Variants in ADORA2B observed in about 807,000 individuals in gnomAD.
The protein encoded by ADORA2B is adenosine receptor A2b.
ADORA2B carries 18 observed loss-of-function variants against 20.8 expected under a neutral mutation model. The observed-to-expected ratio is 0.87, with a 90% confidence interval of 0.60 to 1.29. ADORA2B has a LOEUF of 1.29. ADORA2B is among the 50% of genes most tolerant of loss of function. The probability of loss-of-function intolerance (pLI) is 0.00; values close to 1 mark genes in which losing one functional copy is unlikely to be tolerated. For synonymous variants in ADORA2B, 179 were observed against 178.3 expected (o/e 1.00, Z -0.03); for missense variants, 441 against 422.7 (o/e 1.04, Z -0.38).
the ADORA2B span, among the ~76,000 whole-genome samples, chr17:15,895,708 G>A: frequency 4.6e-5 from 7 of 152,106 alleles, no homozygotes; most frequent in African/African-American, 1.7e-4. Context: ...TAGCCACATC[G>A]TGTGGCTGCT....
chr17:15,926,831 C>A, the ADORA2B span, among the ~76,000 whole-genome samples: 1 of 152,044 alleles, frequency 6.6e-6, no homozygotes, highest in Admixed American at 6.6e-5. Flanking sequence ...ATCAGCTCAG[C>A]GTGGTAGTGT....
chr17:15,922,597 A>G, the ADORA2B span, among the ~76,000 whole-genome samples: 1 of 152,218 alleles, frequency 6.6e-6, no homozygotes, highest in Non-Finnish European at 1.5e-5. Context: ...ACTGGGATGT[A>G]GGGTCACCCC....
chr17:15,876,886 A>T, the ADORA2B span, among the ~76,000 whole-genome samples: 1 of 152,182 alleles, frequency 6.6e-6, no homozygotes, highest in Admixed American at 6.5e-5. Context: ...TGCAAAACTG[A>T]AACTGTTACC....
At chr17:15,966,415 G>T (rs1597429845) in intron 1 of ADORA2B, among the ~76,000 whole-genome samples, 3 of 152,218 alleles carry the variant, frequency 2.0e-5, no homozygotes, top group Admixed American at 2.0e-4. Context: ...CACTCCCCAG[G>T]TAGCTGCCCT....
At chr17:15,928,801 A>T in the ADORA2B span, among the ~76,000 whole-genome samples, 1 of 152,074 alleles carries the variant, frequency 6.6e-6, no homozygotes, top group African/African-American at 2.4e-5. Context: ...TGAGCATAGG[A>T]GTGTCTGGCG....
chr17:15,954,230 C>T (rs1385615208), intron 1 of ADORA2B, among the ~76,000 whole-genome samples: 4 of 152,300 alleles, frequency 2.6e-5, no homozygotes, highest in African/African-American at 9.6e-5. Context: ...CCACCTGCCT[C>T]GGTCTCCCAA....
At chr17:15,891,826 C>T in the ADORA2B span, among the ~76,000 whole-genome samples, 48,049 of 145,126 alleles carry the variant, frequency 0.33, 8,490 homozygotes, top group African/African-American at 0.46. Flanking sequence ...GGATTACAGG[C>T]GTGCGCCACA....
upstream of ADORA2B, among the ~76,000 whole-genome samples, chr17:15,944,517 T>C (rs965936350): frequency 2.0e-5 from 3 of 152,050 alleles, no homozygotes; most frequent in Non-Finnish European, 4.4e-5. The surrounding 1 kb of genome is among the most constrained non-coding windows in gnomAD (Gnocchi z 4.8). Flanking sequence ...GTAGGGGCAG[T>C]GGCGCGGGCG....
the ADORA2B span, among the ~76,000 whole-genome samples, chr17:15,863,264 A>G: frequency 7.2e-5 from 11 of 152,122 alleles, no homozygotes; most frequent in African/African-American, 2.7e-4. Context: ...ATTTATTTCA[A>G]TTTTACATTT....
chr17:15,885,718 A>AC, the ADORA2B span, among the ~76,000 whole-genome samples: 1 of 151,982 alleles, frequency 6.6e-6, no homozygotes, highest in Non-Finnish European at 1.5e-5. Flanking sequence ...CGTATCAAAA[A>AC]AAAAAAACAA....
At chr17:15,864,115 T>C in the ADORA2B span, 1 of 188,928 alleles carries the variant, frequency 5.3e-6, no homozygotes, top group Non-Finnish European at 1.1e-5. Flanking sequence ...TCAAGTGCAA[T>C]GCTGTACTGA....
chr17:15,879,837 A>G, the ADORA2B span, among the ~76,000 whole-genome samples: 3 of 149,256 alleles, frequency 2.0e-5, 1 homozygote, highest in Admixed American at 1.3e-4. Context: ...GCACCCGGCC[A>G]AAGATGTTTT....
At chr17:15,917,604 G>A in the ADORA2B span, among the ~76,000 whole-genome samples, 2 of 152,242 alleles carry the variant, frequency 1.3e-5, no homozygotes, top group Non-Finnish European at 2.9e-5. Context: ...TCCGGGCTAG[G>A]GAACAGGGAT....
intron 1 of ADORA2B, among the ~76,000 whole-genome samples, chr17:15,962,180 G>A (rs1295750760): frequency 1.3e-5 from 2 of 152,122 alleles, no homozygotes; most frequent in African/African-American, 4.8e-5. Context: ...GTGGGCACCT[G>A]TAATCCCAGC....
chr17:15,870,206 A>C, the ADORA2B span, among the ~76,000 whole-genome samples: 1 of 148,274 alleles, frequency 6.7e-6, no homozygotes, highest in East Asian at 2.0e-4. Context: ...CTTTATAGAA[A>C]AAATTTACTT....
At chr17:15,917,197 G>A in the ADORA2B span, among the ~76,000 whole-genome samples, 253 of 152,348 alleles carry the variant, frequency 1.7e-3, no homozygotes, top group Non-Finnish European at 3.0e-3. Context: ...CCAGCTACTT[G>A]GGAGTCAGAG....
chr17:15,921,005 G>A, the ADORA2B span, among the ~76,000 whole-genome samples: 6 of 152,232 alleles, frequency 3.9e-5, no homozygotes, highest in African/African-American at 1.2e-4. Flanking sequence ...GGCAATGTGG[G>A]AAACCAATGT....
rs922531303 is a variant in ADORA2B at position 15,967,427 on chromosome 17, C to T, written c.336-7252C>T. On this transcript the variant is annotated intron_variant, in intron 1 of 1. Transcript: ENST00000304222. ...TTTGTATTTTTAGTGGAGACGGCTTCACCACGTTGGCCAGGCTGGTCTCGA... is the reference window on the plus strand; with the variant it reads ...TTTGTATTTTTAGTGGAGACGGCTTTACCACGTTGGCCAGGCTGGTCTCGA... 4.6e-5 allele frequency among the ~76,000 whole-genome samples: 7 copies of T among 152,292 alleles called. No individual in the cohort carries two copies. The South Asian group carries it at 6.2e-4, about 14-fold the overall frequency.
the ADORA2B span, among the ~76,000 whole-genome samples, chr17:15,933,784 A>G: frequency 6.9e-6 from 1 of 145,016 alleles, no homozygotes; most frequent in Non-Finnish European, 1.5e-5. Context: ...GTATATATAT[A>G]TATATAGAGA....
Sources: allele counts gnomAD v4.1 joint callset (sites outside exome capture counted in the v4.1 genomes callset), GRCh38; gene constraint gnomAD v4.1.1; non-coding constraint Gnocchi (gnomAD v3.1); transcripts MANE v1.5; gene names NCBI Gene and HGNC (gene_info 2026-07-23, HGNC 2026-07-21).